Variants in SBF2 observed in about 807,000 individuals in gnomAD.
The protein encoded by SBF2 is myotubularin-related protein 13.
Under a neutral mutation model 225.2 loss-of-function variants are expected in SBF2, and 112 were observed. The observed-to-expected ratio is 0.50, with a 90% CI of 0.43 to 0.58. The LOEUF (loss-of-function observed/expected upper bound fraction) is 0.58, where lower values mean the gene tolerates loss of function less well. Among genes scored for constraint, SBF2 ranks in the 20% least tolerant of loss-of-function variants. The pLI, the probability that SBF2 is intolerant of heterozygous loss-of-function variation, is 0.00. For missense variants in SBF2, 1,996 were observed against 2,206.2 expected (o/e 0.90, Z 1.91); for synonymous variants, 763 against 773.3 (o/e 0.99, Z 0.22).
intron 1 of SBF2, among the ~76,000 whole-genome samples, chr11:10,275,046 G>A (rs566915858): frequency 6.6e-6 from 1 of 152,284 alleles, no homozygotes; most frequent in African/African-American, 2.4e-5. Context: ...AAAAATAGAT[G>A]AGCAGAGTTT....
At chr11:10,095,812 A>G (rs1241722325) in intron 2 of SBF2, among the ~76,000 whole-genome samples, 1 of 152,228 alleles carries the variant, frequency 6.6e-6, no homozygotes, top group Admixed American at 6.5e-5. Context: ...ACCTGTTTCT[A>G]GACTTAATGA....
intron 2 of SBF2, among the ~76,000 whole-genome samples, chr11:10,183,806 A>G (rs1956826125): frequency 6.6e-6 from 1 of 152,210 alleles, no homozygotes; most frequent in Non-Finnish European, 1.5e-5. Context: ...ATAGAAGCAG[A>G]GAGTAGAATT....
At chr11:10,079,266 A>C (rs1175631268) in intron 2 of SBF2, among the ~76,000 whole-genome samples, 1 of 152,200 alleles carries the variant, frequency 6.6e-6, no homozygotes, top group Non-Finnish European at 1.5e-5. Context: ...AACTAATGCA[A>C]AGAAATTAGA....
intron 16 of SBF2, among the ~76,000 whole-genome samples, chr11:9,952,816 C>T (rs1590588471): frequency 6.6e-6 from 1 of 152,304 alleles, no homozygotes; most frequent in East Asian, 1.9e-4. Context: ...AGGCTCTTTC[C>T]TGCATATCAA....
At chr11:10,039,147 C>A (rs1360737676) in intron 3 of SBF2, among the ~76,000 whole-genome samples, 4 of 151,728 alleles carry the variant, frequency 2.6e-5, no homozygotes, top group African/African-American at 9.7e-5. Flanking sequence ...TCCCTAAGTT[C>A]CCCCTCTTTA....
chr11:10,049,990 G>C (rs1373014998), intron 2 of SBF2, among the ~76,000 whole-genome samples: 1 of 152,150 alleles, frequency 6.6e-6, no homozygotes, highest in Non-Finnish European at 1.5e-5. Flanking sequence ...GATACAGCCT[G>C]CATCATCAGT....
chr11:9,843,395 T>G (rs559365477), intron 24 of SBF2, among the ~76,000 whole-genome samples: 3 of 152,326 alleles, frequency 2.0e-5, no homozygotes, highest in Admixed American at 1.3e-4. Flanking sequence ...TGAGTATCCT[T>G]TTGAGAATCA....
At position 10,210,291 on chromosome 11, in the gene SBF2, G is replaced by A. The variant is rs556472822; in HGVS notation, c.56-16304C>T. On this transcript the variant is annotated intron_variant, in intron 1 of 39. Coordinates refer to ENST00000256190, the MANE Select transcript of SBF2 (RefSeq NM_030962.4). The stretch of plus-strand genomic sequence containing the variant: ...CCACTGCACTCCAGCCTGGGAAACA[G>A]AGCAAGACCCCATGCTCCCTTGCAC... Among the ~76,000 whole-genome samples, 8 of 151,798 alleles carry A rather than the reference G, an allele frequency of 5.3e-5. No homozygotes were observed. In the East Asian group the frequency reaches 7.8e-4, roughly 15 times the overall value.
At chr11:10,183,233 C>T (rs747142761) in intron 2 of SBF2, among the ~76,000 whole-genome samples, 17 of 152,190 alleles carry the variant, frequency 1.1e-4, no homozygotes, top group Non-Finnish European at 1.6e-4. Flanking sequence ...TAGGTGAAAG[C>T]GCTGCTTAAA....
Position 10,167,507 on chromosome 11 carries a change from T to C in SBF2, c.141+26395A>G, listed in dbSNP as rs530162963. Among the ~76,000 whole-genome samples, 7 of 151,916 alleles carry C rather than the reference T, an allele frequency of 4.6e-5. No homozygotes were observed. In the East Asian group the frequency reaches 1.4e-3, roughly 29 times the overall value. ...TCACTTGAGCTCAGGAGGTCCAGGT[T>C]GCAGTGAGCCCTGACCACAGACTGT... On this transcript the variant is annotated intron_variant, in intron 2 of 39. Transcript: ENST00000256190.
chr11:10,153,629 GCA>G (rs1435343741), intron 2 of SBF2, among the ~76,000 whole-genome samples: 3 of 151,978 alleles, frequency 2.0e-5, no homozygotes, highest in African/African-American at 4.8e-5. Context: ...AAAATGTAAT[GCA>G]AATTAACCCA....
intron 13 of SBF2, among the ~76,000 whole-genome samples, chr11:9,983,990 C>T (rs918309125): frequency 6.6e-6 from 1 of 152,172 alleles, no homozygotes; most frequent in Non-Finnish European, 1.5e-5. Flanking sequence ...AACCAGAAAA[C>T]CAACCCTGGT....
rs770215700 is a variant in SBF2, at chr11:9,808,060, G to A, written c.4383C>T (p.Leu1461=). Residue 1461 remains leucine (L), a synonymous_variant, in exon 32 of 40, where the codon CTC becomes CTT. Transcript: ENST00000256190. ...GAGCAAAACCACTCCCCTGACAGTT[G>A]AGGGTCAAGCTGCTCCTCTGACTGA... ...HKFSQRSSLT[L]NCQGSGFAPV... 2 of 1,614,096 alleles carry A rather than the reference G, an allele frequency of 1.2e-6. No homozygotes were observed. Among genetic ancestry groups the A allele is most frequent in the African/African-American group, 2.7e-5 (2 of 74,948 alleles).
In SBF2 at chr11:10,064,547, A is replaced by T. The variant is rs1590871793; in HGVS notation, c.142-21566T>A. 3.3e-5 allele frequency among the ~76,000 whole-genome samples: 5 copies of T among 152,310 alleles called. No homozygotes were observed. The East Asian group carries it at 9.6e-4, about 29-fold the overall frequency. On this transcript the variant is annotated intron_variant, in intron 2 of 39. Coordinates refer to ENST00000256190, the MANE Select transcript of SBF2 (RefSeq NM_030962.4). ...CAACTACATACTGTGTACAAGAAAC[A>T]TTTTAAATACAAAGACTCGAAAAGG...
At position 10,042,962 on chromosome 11, in the gene SBF2, C is replaced by T. The variant is rs1166873755; in HGVS notation, c.161G>A (p.Trp54Ter). ...GIELFCQPGG[W>*]QLSRERKQPT... is the part of the protein sequence containing the mutation. ...CTGCTTCCTCTCTCTGGACAGCTGC[C>T]ACCCGCCAGGCTGACAAAACTAAAT... The change falls in exon 3 of 40, where the codon TGG becomes TAG. Residue 54 changes from tryptophan to a stop codon, truncating the protein, a stop_gained. Coordinates refer to ENST00000256190, the MANE Select transcript of SBF2 (RefSeq NM_030962.4). LOFTEE classifies it high-confidence loss of function. The T allele has an allele frequency of 3.1e-6, 5 of 1,613,628 alleles. No individual in the cohort carries two copies. Among genetic ancestry groups the T allele is most frequent in the Non-Finnish European group, 4.2e-6 (5 of 1,179,796 alleles).
At chr11:10,069,011 G>A (rs911322828) in intron 2 of SBF2, among the ~76,000 whole-genome samples, 1 of 152,034 alleles carries the variant, frequency 6.6e-6, no homozygotes, top group African/African-American at 2.4e-5. Context: ...ATTGCTTTAT[G>A]TGTTTCCTTC....
intron 30 of SBF2, among the ~76,000 whole-genome samples, chr11:9,809,544 ATTT>A (rs35374748): frequency 5.9e-5 from 8 of 136,312 alleles, no homozygotes; most frequent in Non-Finnish European, 4.7e-5. Flanking sequence ...TGTTTCAGAC[ATTT>A]TTTTTTTTTT....
In SBF2 at chr11:9,808,009, A is replaced by C; in HGVS notation, c.4434T>G (p.Cys1478Trp). ...AGCTTGCTCTACTTACCTGGTGTAC[A>C]CAGTCTAAGAACTGTAAGAAGACTG... The part of the protein sequence containing the change: ...FAPVFLQFLD[C>W]VHQVHNQYPT... The change falls in exon 32 of 40, where the codon TGT becomes TGG. Residue 1478 changes from cysteine (C) to tryptophan (W), a missense_variant. Cys to Trp is a radical substitution (Grantham distance 215, BLOSUM62 -2). Transcript: ENST00000256190. The C allele has an allele frequency of 6.2e-7, 1 of 1,614,108 alleles. No individual in the cohort carries two copies. Among genetic ancestry groups the C allele is most frequent in the Non-Finnish European group, 8.5e-7 (1 of 1,179,974 alleles).
At chr11:10,213,423 A>C in intron 1 of SBF2, among the ~76,000 whole-genome samples, 1 of 152,136 alleles carries the variant, frequency 6.6e-6, no homozygotes, top group Admixed American at 6.5e-5. Flanking sequence ...CCAAATCTAA[A>C]ATCTCTCATA....
Sources: allele counts gnomAD v4.1 joint callset (sites outside exome capture counted in the v4.1 genomes callset), GRCh38; gene constraint gnomAD v4.1.1; transcripts MANE v1.5; gene names NCBI Gene and HGNC (gene_info 2026-07-23, HGNC 2026-07-21).